PLCB1: variants seen among roughly 807,000 people sequenced by gnomAD.
PLCB1 encodes the protein phospholipase C beta 1, also known as 1-phosphatidylinositol 4,5-bisphosphate phosphodiesterase beta-1.
A neutral mutation model predicts 161.8 loss-of-function variants in PLCB1; 46 were observed. The observed-to-expected ratio is 0.28, with a 90% CI of 0.22 to 0.36. The LOEUF (loss-of-function observed/expected upper bound fraction) is 0.36, where lower values mean the gene tolerates loss of function less well. Ranked by LOEUF, PLCB1 falls within the 10% of genes least tolerant of loss-of-function variation. The pLI is 1.00. For synonymous variants in PLCB1, 517 were observed against 503.7 expected (o/e 1.03, Z -0.35); for missense variants, 1,016 against 1,472.5 (o/e 0.69, Z 5.07).
chr20:8,447,493 ATGT>A (rs1294287751), intron 3 of PLCB1, among the ~76,000 whole-genome samples: 1 of 152,298 alleles, frequency 6.6e-6, no homozygotes, highest in East Asian at 1.9e-4. Context: ...TGGAAACCAC[ATGT>A]TGTGAGTAAC....
At chr20:8,686,345 C>T (rs1206455768) in intron 10 of PLCB1, among the ~76,000 whole-genome samples, 18 of 152,134 alleles carry the variant, frequency 1.2e-4, no homozygotes, top group Admixed American at 1.1e-3. Context: ...TTTAGGACCA[C>T]AAAACTCAAA....
rs144340836 is a variant in PLCB1, at chr20:8,866,130, T to C, written c.3424-15492T>C. Among the ~76,000 whole-genome samples, 28 of 152,320 alleles carry C rather than the reference T, an allele frequency of 1.8e-4. 1 individual carries two copies. In the East Asian group the frequency reaches 5.2e-3, roughly 28 times the overall value. On this transcript the variant is annotated intron_variant, in intron 31 of 31. Coordinates refer to ENST00000338037, the MANE Select transcript of PLCB1 (RefSeq NM_015192.4). Reference sequence around the variant, plus strand: ...CAACTTGCTATTCAATTTATCTGACTTTTCATTCCAAACCCGATGTGTTTA... The same window carrying C: ...CAACTTGCTATTCAATTTATCTGACCTTTCATTCCAAACCCGATGTGTTTA...
chr20:8,416,804 T>C (rs551690521), intron 3 of PLCB1, among the ~76,000 whole-genome samples: 2 of 152,052 alleles, frequency 1.3e-5, no homozygotes, highest in East Asian at 3.9e-4. Flanking sequence ...GTAGCCTGAC[T>C]GAAGAGTACT....
At chr20:8,566,255 T>G (rs1168836184) in intron 3 of PLCB1, among the ~76,000 whole-genome samples, 1 of 152,200 alleles carries the variant, frequency 6.6e-6, no homozygotes, top group Non-Finnish European at 1.5e-5. Flanking sequence ...GAAACAATCA[T>G]TAAATATTAA....
chr20:8,533,080 T>C (rs1345565368), intron 3 of PLCB1, among the ~76,000 whole-genome samples: 2 of 150,040 alleles, frequency 1.3e-5, no homozygotes, highest in Non-Finnish European at 3.0e-5. Context: ...GTTCTCATTG[T>C]TCAATTCCCA....
rs1981775778 is a variant in PLCB1, at chr20:8,757,111, G to A, written c.2589G>A (p.Gly863=). The A allele has an allele frequency of 1.2e-6, 2 of 1,613,246 alleles. No individual in the cohort carries two copies. Among genetic ancestry groups the A allele is most frequent in the Non-Finnish European group, 1.7e-6 (2 of 1,179,482 alleles). The change falls in exon 24 of 32, where the codon GGG becomes GGA. Residue 863 remains glycine (G), a synonymous_variant. Coordinates refer to ENST00000338037, the MANE Select transcript of PLCB1 (RefSeq NM_015192.4). Reference sequence around the variant, plus strand: ...CGAGAACGACTCCAGCAGAAAATGGGGTGAATCACACTACAACCCTGACAC... The same window carrying A: ...CGAGAACGACTCCAGCAGAAAATGGAGTGAATCACACTACAACCCTGACAC... ...SEARTTPAEN[G]VNHTTTLTPK...
chr20:8,369,584 C>A (rs1986835252), intron 2 of PLCB1, among the ~76,000 whole-genome samples: 1 of 152,162 alleles, frequency 6.6e-6, no homozygotes, highest in African/African-American at 2.4e-5. Context: ...AGGTAACCTC[C>A]AATATTGTGG....
intron 3 of PLCB1, among the ~76,000 whole-genome samples, chr20:8,477,739 G>A (rs1982340124): frequency 6.6e-6 from 1 of 152,146 alleles, no homozygotes; most frequent in South Asian, 2.1e-4. Context: ...TAAAGAACCA[G>A]CTCTCGCATG....
chr20:8,387,025 G>C (rs1366756481), intron 3 of PLCB1, among the ~76,000 whole-genome samples: 1 of 152,208 alleles, frequency 6.6e-6, no homozygotes, highest in East Asian at 1.9e-4. Context: ...ATTGGGGCTG[G>C]TTTGATCTTC....
At chr20:8,652,182 C>T (rs181888265) in intron 7 of PLCB1, 1 of 152,114 alleles carries the variant, frequency 6.6e-6, no homozygotes, top group Non-Finnish European at 1.5e-5. Flanking sequence ...ATGTCAATTG[C>T]AGGCAAATTT....
At chr20:8,450,654 T>C (rs1176781665) in intron 3 of PLCB1, among the ~76,000 whole-genome samples, 2 of 152,228 alleles carry the variant, frequency 1.3e-5, no homozygotes, top group African/African-American at 4.8e-5. Flanking sequence ...AACCTTGTAA[T>C]GAAAGCATGA....
intron 15 of PLCB1, 72 bp downstream of exon 15, chr20:8,722,493 A>G: frequency 1.7e-6 from 2 of 1,144,122 alleles, no homozygotes; most frequent in Non-Finnish European, 2.4e-6. Context: ...TCTCATGGTC[A>G]CTTTCTGCCA....
At chr20:8,578,137 A>G (rs1051113341) in intron 3 of PLCB1, among the ~76,000 whole-genome samples, 18 of 152,192 alleles carry the variant, frequency 1.2e-4, no homozygotes, top group Admixed American at 1.1e-3. Context: ...ATACCTTATT[A>G]AGAATAAGGA....
chr20:8,410,805 G>A (rs1028114543), intron 3 of PLCB1, among the ~76,000 whole-genome samples: 17 of 152,126 alleles, frequency 1.1e-4, no homozygotes, highest in African/African-American at 4.1e-4. Flanking sequence ...AATTACCCAG[G>A]TGTGTCCTAA....
chr20:8,840,112 C>T (rs938616955), intron 31 of PLCB1, among the ~76,000 whole-genome samples: 2 of 151,254 alleles, frequency 1.3e-5, no homozygotes, highest in African/African-American at 4.9e-5. Context: ...CACATATTTT[C>T]CTCAATGTTC....
chr20:8,795,877 CAAAA>C (rs368453811), intron 31 of PLCB1, among the ~76,000 whole-genome samples: 2 of 71,746 alleles, frequency 2.8e-5, no homozygotes. Flanking sequence ...CACCCTGTCT[CAAAA>C]AAAAAAAAAA....
At chr20:8,606,856 A>C (rs117969609) in intron 3 of PLCB1, among the ~76,000 whole-genome samples, 1 of 152,272 alleles carries the variant, frequency 6.6e-6, no homozygotes, top group Non-Finnish European at 1.5e-5. Flanking sequence ...GTCTTTCTTA[A>C]TTTTTGATCT....
At chr20:8,404,825 T>G (rs1021838366) in intron 3 of PLCB1, among the ~76,000 whole-genome samples, 2 of 152,184 alleles carry the variant, frequency 1.3e-5, no homozygotes, top group African/African-American at 4.8e-5. Flanking sequence ...TTTAACACCA[T>G]GGCATAATTA....
chr20:8,784,281 G>A (rs1983375408), intron 27 of PLCB1, among the ~76,000 whole-genome samples: 1 of 152,078 alleles, frequency 6.6e-6, no homozygotes, highest in Non-Finnish European at 1.5e-5. Context: ...AACTAGCTGA[G>A]GTCGGGCTCG....
Sources: allele counts gnomAD v4.1 joint callset (sites outside exome capture counted in the v4.1 genomes callset), GRCh38; gene constraint gnomAD v4.1.1; transcripts MANE v1.5; gene names NCBI Gene and HGNC (gene_info 2026-07-23, HGNC 2026-07-21).